Variants in PRSS23 observed in about 807,000 individuals in gnomAD.
PRSS23 encodes serine protease 23.
In PRSS23, 25 loss-of-function variants were observed where a neutral mutation model predicts 34.7. That is an observed-to-expected ratio of 0.72 (90% CI 0.53 to 1.01). PRSS23 has a LOEUF of 1.01. PRSS23 is among the 50% of genes least tolerant of loss of function. The probability of loss-of-function intolerance (pLI) is 0.00; values close to 1 mark genes in which losing one functional copy is unlikely to be tolerated. For missense variants in PRSS23, 445 were observed against 475.6 expected, an observed-to-expected ratio of 0.94 and a Z score of 0.60; for synonymous variants, 176 against 186.6, an observed-to-expected ratio of 0.94 and a Z score of 0.46.
chr11:86,842,531 C>G (rs1948456375), intron 2 of PRSS23, among the ~76,000 whole-genome samples: 1 of 152,200 alleles, frequency 6.6e-6, no homozygotes, highest in Non-Finnish European at 1.5e-5. Flanking sequence ...TAGAAAACCC[C>G]ATTGTCTCAG....
chr11:86,883,557 G>A (rs1045068274), intron 2 of PRSS23, among the ~76,000 whole-genome samples: 5 of 152,142 alleles, frequency 3.3e-5, no homozygotes, highest in African/African-American at 1.2e-4. Flanking sequence ...GACAACCTAG[G>A]CAATACCATT....
intron 2 of PRSS23, among the ~76,000 whole-genome samples, chr11:86,900,334 G>A (rs977991874): frequency 3.3e-5 from 5 of 152,200 alleles, no homozygotes; most frequent in African/African-American, 1.2e-4. Context: ...CGGCTTGCAT[G>A]TGCCCGTATG....
At chr11:86,836,508 C>T (rs191470555) in intron 2 of PRSS23, among the ~76,000 whole-genome samples, 2 of 152,310 alleles carry the variant, frequency 1.3e-5, no homozygotes, top group Non-Finnish European at 2.9e-5. Context: ...GTAATAGCCC[C>T]TGCTTTTGCT....
intron 2 of PRSS23, among the ~76,000 whole-genome samples, chr11:86,878,294 G>A (rs1259954628): frequency 2.1e-5 from 2 of 95,534 alleles, no homozygotes; most frequent in Non-Finnish European, 1.9e-5. Flanking sequence ...CTCTTTCCAC[G>A]GTCTCCCACT....
chr11:86,825,603 T>C (rs1321025897), intron 2 of PRSS23, among the ~76,000 whole-genome samples: 22 of 151,044 alleles, frequency 1.5e-4, no homozygotes, highest in Non-Finnish European at 1.2e-4. Flanking sequence ...CTAGGGTTTT[T>C]ATGGTTTTAG....
chr11:86,836,672 G>A (rs1159898484), intron 2 of PRSS23: 1 of 152,174 alleles, frequency 6.6e-6, no homozygotes, highest in Non-Finnish European at 1.5e-5. Context: ...AGATCTGGAG[G>A]ACAGTTGTCC....
chr11:86,939,431 T>TTTTTTTTAAAATATATATATA (rs1555084022), intron 2 of PRSS23, among the ~76,000 whole-genome samples: 3 of 141,750 alleles, frequency 2.1e-5, no homozygotes, highest in Non-Finnish European at 3.0e-5. Context: ...TATATATTTT[T>TTTTTTTTAAAATATATATATA]TAACATGAGT....
At chr11:86,896,951 A>G (rs965190704) in intron 2 of PRSS23, among the ~76,000 whole-genome samples, 4 of 152,216 alleles carry the variant, frequency 2.6e-5, no homozygotes, top group African/African-American at 9.6e-5. Flanking sequence ...ACTTCAGCCC[A>G]TCATTTACCC....
chr11:86,894,527 T>C lies in PRSS23; in HGVS notation c.207-56689T>C, dbSNP rs1948862340. 2.6e-5 allele frequency among the ~76,000 whole-genome samples: 4 copies of C among 152,180 alleles called. No individual in the cohort carries two copies. The South Asian group carries it at 8.3e-4, about 32-fold the overall frequency. ...TATAATCACATGAGAGTAAGTATTCTAGAACTCCCATGGCAGCTCCCAGTG... is the reference window on the plus strand; with the variant it reads ...TATAATCACATGAGAGTAAGTATTCCAGAACTCCCATGGCAGCTCCCAGTG... On this transcript the variant is annotated intron_variant, in intron 2 of 2. Transcript: ENST00000533902.
intron 2 of PRSS23, chr11:86,857,200 G>A: frequency 3.1e-6 from 1 of 324,910 alleles, no homozygotes. Flanking sequence ...TCCATTCCTG[G>A]GAGATGATGA....
chr11:86,824,146 A>G (rs954421435), intron 2 of PRSS23, among the ~76,000 whole-genome samples: 10 of 151,482 alleles, frequency 6.6e-5, no homozygotes, highest in African/African-American at 2.4e-4. Flanking sequence ...CGTCTGTACA[A>G]AAACTTCAAA....
intron 2 of PRSS23, among the ~76,000 whole-genome samples, chr11:86,867,364 A>G (rs1158676897): frequency 6.6e-6 from 1 of 152,180 alleles, no homozygotes; most frequent in Non-Finnish European, 1.5e-5. Flanking sequence ...GCTGATTTCC[A>G]TGGGAACTGT....
intron 1 of PRSS23, among the ~76,000 whole-genome samples, chr11:86,791,959 A>T (rs1171291154): frequency 6.6e-6 from 1 of 152,192 alleles, no homozygotes; most frequent in African/African-American, 2.4e-5. Context: ...GCTCTGTGCG[A>T]TATGTTAATA....
chr11:86,947,247 G>C (rs958839229), intron 2 of PRSS23: 3 of 171,340 alleles, frequency 1.8e-5, no homozygotes, highest in African/African-American at 7.2e-5. Context: ...CAAAAAAAAG[G>C]TTCCTTCCAA....
intron 1 of PRSS23, among the ~76,000 whole-genome samples, chr11:86,820,709 C>T (rs540489480): frequency 3.3e-5 from 5 of 152,162 alleles, no homozygotes; most frequent in Admixed American, 6.5e-5. Flanking sequence ...AATCTATGTA[C>T]TATAGAATTT....
intron 2 of PRSS23, among the ~76,000 whole-genome samples, chr11:86,826,151 T>G (rs1948299025): frequency 6.6e-6 from 1 of 151,998 alleles, no homozygotes; most frequent in Admixed American, 6.6e-5. Flanking sequence ...CCTCTTTTAT[T>G]TCCTTGAGCA....
At chr11:86,853,912 T>C (rs1948549786) in intron 2 of PRSS23, among the ~76,000 whole-genome samples, 1 of 152,238 alleles carries the variant, frequency 6.6e-6, no homozygotes, top group African/African-American at 2.4e-5. Context: ...ATATCCATCC[T>C]AATGTGTGGT....
intron 2 of PRSS23, among the ~76,000 whole-genome samples, chr11:86,900,360 C>T (rs1443267991): frequency 6.6e-6 from 1 of 152,212 alleles, no homozygotes; most frequent in Non-Finnish European, 1.5e-5. Flanking sequence ...GCTCTGTGCC[C>T]ACCTTGCAAT....
chr11:86,871,065 T>C (rs1158423476), intron 2 of PRSS23, among the ~76,000 whole-genome samples: 2 of 152,232 alleles, frequency 1.3e-5, no homozygotes, highest in African/African-American at 4.8e-5. Flanking sequence ...TTTTTTATTA[T>C]ACACTGGACC....
Sources: gnomAD v4.1 joint callset for allele counts (sites outside exome capture counted in the v4.1 genomes callset) on GRCh38, gnomAD v4.1.1 for gene constraint, MANE v1.5 for transcripts, NCBI Gene and HGNC (gene_info 2026-07-23, HGNC 2026-07-21) for gene names.